The following PRKDC variants were observed in gnomAD, a reference collection of about 807,000 sequenced individuals.
The protein encoded by PRKDC is DNA-dependent protein kinase catalytic subunit.
Under a neutral mutation model 486.9 loss-of-function variants are expected in PRKDC, and 82 were observed. The observed-to-expected ratio is 0.17, with a 90% CI of 0.14 to 0.20. The LOEUF (loss-of-function observed/expected upper bound fraction) is 0.20. PRKDC is among the 10% of genes least tolerant of loss of function. The pLI, the probability that PRKDC is intolerant of heterozygous loss-of-function variation, is 1.00. For synonymous variants in PRKDC, 1,895 were observed against 1,837.0 expected (o/e 1.03, Z -0.81); for missense variants, 4,504 against 5,038.2 (o/e 0.89, Z 3.21).
At chr8:47,856,643 C>A (rs1011691432) in intron 49 of PRKDC, among the ~76,000 whole-genome samples, 1 of 152,194 alleles carries the variant, frequency 6.6e-6, no homozygotes, top group African/African-American at 2.4e-5. Flanking sequence ...CACCAACACA[C>A]ACACACATGT....
intron 40 of PRKDC, among the ~76,000 whole-genome samples, chr8:47,867,679 A>G (rs1427984186): frequency 3.9e-5 from 6 of 152,242 alleles, no homozygotes; most frequent in Non-Finnish European, 7.3e-5. Context: ...GCGTAAAGGA[A>G]TAAGAAAAGA....
intron 35 of PRKDC, among the ~76,000 whole-genome samples, chr8:47,886,468 C>A (rs1459400761): frequency 6.6e-6 from 1 of 151,974 alleles, no homozygotes; most frequent in Non-Finnish European, 1.5e-5. Context: ...CGGCTCACTG[C>A]AAACCTCCAC....
In PRKDC at chr8:47,943,436, C is replaced by A. The variant is rs1043793234; in HGVS notation, c.809-70G>T. 8 of 1,455,182 alleles carry A rather than the reference C, an allele frequency of 5.5e-6. No individual in the cohort carries two copies. The African/African-American group carries it at 1.1e-4, about 21-fold the overall frequency. 90.1% of individuals were successfully genotyped at this position (1,455,182 alleles called of 1,614,324 possible). On this transcript the variant is annotated intron_variant, in intron 9 of 85. Transcript: ENST00000314191. ...ACAGAACAGAAAACCAACAAACCTGCAGGGATATGTCAAAGTCAACACTGT... is the reference window on the plus strand; with the variant it reads ...ACAGAACAGAAAACCAACAAACCTGAAGGGATATGTCAAAGTCAACACTGT...
chr8:47,823,969 G>T lies in PRKDC; in HGVS notation c.8811C>A (p.Asp2937Glu), dbSNP rs546276154. ...AKLYRSIGEY[D>E]VLRGIFTSEI... ...CACTGGTAAAAATCCCACGGAGGAC[G>T]TCGTATTCTCCAATTGATCTATACA... The change falls in exon 64 of 86, where the codon GAC becomes GAA. Residue 2937 changes from aspartate to glutamate, a missense_variant. Asp to Glu is a conservative substitution (Grantham distance 45). Coordinates refer to ENST00000314191, the MANE Select transcript of PRKDC (RefSeq NM_006904.7). 6.2e-7 allele frequency: 1 copy of T among 1,613,060 alleles called. No individual in the cohort carries two copies. The highest frequency in any genetic ancestry group is 1.1e-5 in the South Asian group (1 of 90,926).
At chr8:47,790,950 A>G (rs1368062787) in intron 74 of PRKDC, among the ~76,000 whole-genome samples, 1 of 152,198 alleles carries the variant, frequency 6.6e-6, no homozygotes, top group East Asian at 1.9e-4. Flanking sequence ...ATCTCAACCA[A>G]TAAAACTACA....
intron 25 of PRKDC, among the ~76,000 whole-genome samples, chr8:47,909,178 T>C (rs1304493774): frequency 6.6e-6 from 1 of 152,234 alleles, no homozygotes; most frequent in Non-Finnish European, 1.5e-5. Context: ...ATGTTTCTTC[T>C]GTTGTGGGAA....
In PRKDC at chr8:47,957,176, T is replaced by C; in HGVS notation, c.319A>G (p.Ile107Val). 1 of 1,567,056 alleles carries C rather than the reference T, an allele frequency of 6.4e-7. No individual in the cohort carries two copies. The highest frequency in any genetic ancestry group is 8.8e-7 in the Non-Finnish European group (1 of 1,141,834). ...GQKIAPYSVE[I>V]KNTCTSVYTK... ...GTATGTTTTTTAATTCTTACCTTAA[T>C]TTCAACAGAGTAAGGTGCGATCTTC... The change falls in exon 3 of 86, where the codon ATT (isoleucine) becomes GTT (valine). Residue 107 changes from isoleucine (I) to valine (V), a missense_variant. This residue lies in a region of PRKDC where 145 missense variants were observed against 136.3 expected (regional missense o/e 1.06). Coordinates refer to ENST00000314191, the MANE Select transcript of PRKDC (RefSeq NM_006904.7).
chr8:47,798,512 CTCT>C lies in PRKDC; in HGVS notation c.10298-118_10298-116del, dbSNP rs200138046. ...GCTTGTATTTTGTAGTGTCATTGTTCTCTTCTTAACTACCACTTTACACCAACA... is the reference window on the plus strand; with the variant it reads ...GCTTGTATTTTGTAGTGTCATTGTTCTCTTAACTACCACTTTACACCAACA... On this transcript the variant is annotated intron_variant, in intron 72 of 85. Transcript: ENST00000314191. The C allele has an allele frequency of 0.011, 12,371 of 1,084,284 alleles. 110 individuals carry two copies. Among genetic ancestry groups the C allele is most frequent in the Non-Finnish European group, 0.013 (10,142 of 789,552 alleles). 67.2% of individuals were successfully genotyped at this position (1,084,284 alleles called of 1,614,324 possible). A position where few individuals can be genotyped will look rare whatever the true frequency, so the allele number is the denominator to read the frequency against.
At chr8:47,938,721 C>G (rs968343255) in intron 11 of PRKDC, among the ~76,000 whole-genome samples, 4 of 151,928 alleles carry the variant, frequency 2.6e-5, no homozygotes, top group African/African-American at 7.3e-5. Context: ...GCTACCATGC[C>G]CGGCTAATTT....
intron 7 of PRKDC, among the ~76,000 whole-genome samples, chr8:47,949,656 G>A (rs751543378): frequency 6.6e-6 from 1 of 152,176 alleles, no homozygotes; most frequent in Non-Finnish European, 1.5e-5. Flanking sequence ...ACAGAGGGGA[G>A]TACAGAGGCC....
At chr8:47,928,620 T>G (rs2090195604) in intron 19 of PRKDC, among the ~76,000 whole-genome samples, 1 of 151,918 alleles carries the variant, frequency 6.6e-6, no homozygotes, top group Admixed American at 6.6e-5. Context: ...TGGCACTATC[T>G]CGGCTCACTG....
At chr8:47,802,057 T>C (rs1314847329) in intron 70 of PRKDC, among the ~76,000 whole-genome samples, 2 of 151,852 alleles carry the variant, frequency 1.3e-5, no homozygotes, top group Admixed American at 1.3e-4. Context: ...ATAAGGATAA[T>C]TTTCTTCTTC....
At chr8:47,866,528 A>G (rs1282970223) in intron 40 of PRKDC, among the ~76,000 whole-genome samples, 5 of 152,324 alleles carry the variant, frequency 3.3e-5, no homozygotes, top group Middle Eastern at 3.4e-3. Context: ...AAGAGCAAAG[A>G]CCTAATGTTA....
rs778555067 is a variant in PRKDC, at chr8:47,887,592, C to G, written c.4527G>C (p.Gln1509His). The change falls in exon 35 of 86, where the codon CAG becomes CAC. Residue 1509 changes from glutamine to histidine, a missense_variant. Gln to His is a conservative substitution (Grantham distance 24). Coordinates refer to ENST00000314191, the MANE Select transcript of PRKDC (RefSeq NM_006904.7). ...CTAACTCCAGAAGTCCGCTGGCCAG[C>G]TGCTTACAACTGAGGTCTAGAGAAG... ...CLPSLDLSCK[Q>H]LASGLLELAF... 1 of 1,597,520 alleles carries G rather than the reference C, an allele frequency of 6.3e-7. No individual in the cohort carries two copies. Among genetic ancestry groups the G allele is most frequent in the African/African-American group, 1.3e-5 (1 of 74,600 alleles).
At chr8:47,846,825 A>G (rs538065413) in intron 54 of PRKDC, among the ~76,000 whole-genome samples, 1 of 152,254 alleles carries the variant, frequency 6.6e-6, no homozygotes. Flanking sequence ...TACAAAATCA[A>G]TGTACAAAAA....
At chr8:47,953,567 T>C in intron 7 of PRKDC, 53 bp downstream of exon 7, 8 of 1,462,562 alleles carry the variant, frequency 5.5e-6, no homozygotes, top group South Asian at 1.2e-5. Flanking sequence ...CAGGCATTGC[T>C]GGTTAGACTT....
At chr8:47,906,217 C>A (rs545530386) in intron 25 of PRKDC, among the ~76,000 whole-genome samples, 1 of 151,962 alleles carries the variant, frequency 6.6e-6, no homozygotes, top group Non-Finnish European at 1.5e-5. Flanking sequence ...CACGGTGGTG[C>A]GTGCCTGTAG....
At chr8:47,949,179 C>T (rs561318848) in intron 7 of PRKDC, among the ~76,000 whole-genome samples, 2 of 152,300 alleles carry the variant, frequency 1.3e-5, no homozygotes, top group South Asian at 4.1e-4. Flanking sequence ...CATTTAAGGA[C>T]CCTGTGATCA....
intron 36 of PRKDC, 95 bp from the exon 37 acceptor site, chr8:47,882,192 T>C (rs1563783099): frequency 8.6e-7 from 1 of 1,169,182 alleles, no homozygotes; most frequent in Non-Finnish European, 1.2e-6. Flanking sequence ...TCTTGGAAAA[T>C]AAATAAGCTA....
Sources: allele counts gnomAD v4.1 joint callset (sites outside exome capture counted in the v4.1 genomes callset), GRCh38; gene constraint gnomAD v4.1.1; regional missense constraint gnomAD v4.1.1; transcripts MANE v1.5; gene names NCBI Gene and HGNC (gene_info 2026-07-23, HGNC 2026-07-21).